Variants in THSD4 observed in about 807,000 individuals in gnomAD.
The protein encoded by THSD4 is thrombospondin type-1 domain-containing protein 4.
A neutral mutation model predicts 119.0 loss-of-function variants in THSD4; 69 were observed. The ratio of observed to expected loss-of-function variants is 0.58; its 90% CI spans 0.48 to 0.71. The LOEUF is 0.71. Ranked by LOEUF, THSD4 falls within the 30% of genes least tolerant of loss-of-function variation. The pLI is 0.00. For synonymous variants in THSD4, 524 were observed against 540.4 expected (o/e 0.97, Z 0.42); for missense variants, 1,393 against 1,391.1 (o/e 1.00, Z -0.02).
At chr15:71,430,768 A>AG (rs1183939530) in intron 7 of THSD4, among the ~76,000 whole-genome samples, 8 of 143,394 alleles carry the variant, frequency 5.6e-5, no homozygotes, top group Non-Finnish European at 9.1e-5. Flanking sequence ...AGAAAAAAAA[A>AG]AAAAAAAAAA....
At chr15:71,277,171 G>GTGCATT (rs1282012191) in intron 6 of THSD4, among the ~76,000 whole-genome samples, 5 of 130,204 alleles carry the variant, frequency 3.8e-5, no homozygotes, top group African/African-American at 1.6e-4. Context: ...TGTCACCCAG[G>GTGCATT]CTGGAGTGCA....
In THSD4 at chr15:71,384,684, A is replaced by G. The variant is rs2046273687; in HGVS notation, c.1016-27003A>G. 2.0e-5 allele frequency among the ~76,000 whole-genome samples: 3 copies of G among 152,240 alleles called. No homozygotes were observed. In the South Asian group the frequency reaches 6.2e-4, roughly 31 times the overall value. On this transcript the variant is annotated intron_variant, in intron 6 of 17. Transcript: ENST00000261862. ...ATCAATAGGCTTCCCGGGTGAGCCTAGTTCTGGAGCCCACATTTTAAAATG... is the reference window on the plus strand; with the variant it reads ...ATCAATAGGCTTCCCGGGTGAGCCTGGTTCTGGAGCCCACATTTTAAAATG...
chr15:71,601,046 C>T (rs2050001048), intron 7 of THSD4, among the ~76,000 whole-genome samples: 2 of 152,178 alleles, frequency 1.3e-5, no homozygotes, highest in African/African-American at 4.8e-5. Context: ...TGTACCCAAC[C>T]TATCATGCCT....
In THSD4 at chr15:71,306,307, C is replaced by CAAAAAAA. The variant is rs67260180; in HGVS notation, c.1015+49617_1015+49623dup. ...GGTGATAAGAGCAAGACTCTTGCCT[C>CAAAAAAA]AAAAAAAAAAAAAAAAAAAAAAAAA... On this transcript the variant is annotated intron_variant, in intron 6 of 17. Coordinates refer to ENST00000261862, the MANE Select transcript of THSD4 (RefSeq NM_024817.3). Among the ~76,000 whole-genome samples, 36 of 62,940 alleles carry CAAAAAAA rather than the reference C, an allele frequency of 5.7e-4. 2 individuals are homozygous for CAAAAAAA. Among genetic ancestry groups the CAAAAAAA allele is most frequent in the African/African-American group, 2.2e-3 (33 of 15,068 alleles). 41.3% of individuals were successfully genotyped at this position (62,940 alleles called of 152,430 possible). A position where few individuals can be genotyped will look rare whatever the true frequency, so the allele number is the denominator to read the frequency against.
chr15:71,477,251 G>A (rs529829790), intron 7 of THSD4, among the ~76,000 whole-genome samples: 28 of 152,298 alleles, frequency 1.8e-4, no homozygotes, highest in African/African-American at 6.3e-4. Context: ...CCTATCAGAC[G>A]GGGTCTTCTT....
chr15:71,141,677 A>G lies in THSD4; in HGVS notation c.29+121A>G, dbSNP rs1011277696. The G allele has an allele frequency of 6.1e-6, 7 of 1,144,386 alleles. No homozygotes were observed. In the Admixed American group the frequency reaches 1.3e-4, roughly 21 times the overall value. The allele number at this position is 1,144,386 out of a possible 1,614,324, so 70.9% of individuals were successfully genotyped here. On this transcript the variant is annotated intron_variant, in intron 2 of 17. Transcript: ENST00000261862. ...TCTGCAGCTGACTGATATTTTTGAT[A>G]TAATACGTCCACTTGTGTAAAAGTT...
At chr15:71,710,784 C>T (rs547446044) in intron 8 of THSD4, among the ~76,000 whole-genome samples, 161 of 152,200 alleles carry the variant, frequency 1.1e-3, no homozygotes, top group African/African-American at 3.7e-3. Context: ...TTTCATGGTA[C>T]GTTCTGTTCC....
At chr15:71,634,718 G>A (rs1267744828) in intron 7 of THSD4, among the ~76,000 whole-genome samples, 2 of 152,300 alleles carry the variant, frequency 1.3e-5, no homozygotes, top group East Asian at 3.9e-4. Context: ...AGTCAAGGGA[G>A]GAAGTTCTCA....
At position 71,570,509 on chromosome 15, in the gene THSD4, C is replaced by T. The variant is rs559432346; in HGVS notation, c.1153-90021C>T. On this transcript the variant is annotated intron_variant, in intron 7 of 17. Coordinates refer to ENST00000261862, the MANE Select transcript of THSD4 (RefSeq NM_024817.3). ...GCAACCTCTGCCTCCTGGGTTCAAGCGATTCTCCTGCCTCAGCCTCCCAAG... is the reference window on the plus strand; with the variant it reads ...GCAACCTCTGCCTCCTGGGTTCAAGTGATTCTCCTGCCTCAGCCTCCCAAG... Among the ~76,000 whole-genome samples, 12 of 151,950 alleles carry T rather than the reference C, an allele frequency of 7.9e-5. No homozygotes were observed. The East Asian group carries it at 1.5e-3, about 20-fold the overall frequency.
chr15:71,719,213 AAC>A (rs758854714), intron 8 of THSD4, among the ~76,000 whole-genome samples: 18 of 152,336 alleles, frequency 1.2e-4, no homozygotes, highest in South Asian at 6.2e-4. Context: ...CCTTCGTTCA[AAC>A]CCCTTACAAC....
intron 3 of THSD4, among the ~76,000 whole-genome samples, chr15:71,163,655 A>G (rs2043266253): frequency 6.6e-6 from 1 of 151,780 alleles, no homozygotes. Flanking sequence ...AGGAAAATAT[A>G]CCCTATTTTG....
At chr15:71,431,020 T>C (rs1249461021) in intron 7 of THSD4, among the ~76,000 whole-genome samples, 2 of 152,178 alleles carry the variant, frequency 1.3e-5, no homozygotes, top group Admixed American at 6.5e-5. Context: ...TGCAAATAAC[T>C]ACATTACCAT....
chr15:71,309,844 G>A (rs2045086376), intron 6 of THSD4, among the ~76,000 whole-genome samples: 1 of 152,198 alleles, frequency 6.6e-6, no homozygotes, highest in African/African-American at 2.4e-5. Flanking sequence ...AGAGGAAGGT[G>A]TGGCATGCAG....
chr15:71,684,058 G>C (rs2051854907), intron 8 of THSD4, among the ~76,000 whole-genome samples: 1 of 152,110 alleles, frequency 6.6e-6, no homozygotes, highest in Admixed American at 6.6e-5. Context: ...GTGAAGTTTT[G>C]TTATTTTCCA....
intron 7 of THSD4, among the ~76,000 whole-genome samples, chr15:71,452,974 C>G (rs1595782749): frequency 6.6e-6 from 1 of 152,168 alleles, no homozygotes; most frequent in Non-Finnish European, 1.5e-5. Context: ...GAAATTGGTG[C>G]TCTTATAAGA....
At chr15:71,632,477 C>CT (rs2050651335) in intron 7 of THSD4, among the ~76,000 whole-genome samples, 1 of 152,246 alleles carries the variant, frequency 6.6e-6, no homozygotes, top group South Asian at 2.1e-4. Context: ...TGGCCAGAAC[C>CT]TACTTCTTTG....
At chr15:71,203,502 A>AC (rs1338120200) in intron 3 of THSD4, among the ~76,000 whole-genome samples, 3 of 151,376 alleles carry the variant, frequency 2.0e-5, no homozygotes, top group Non-Finnish European at 4.4e-5. Flanking sequence ...CAAAAATACA[A>AC]AAAAAAATTA....
intron 3 of THSD4, among the ~76,000 whole-genome samples, chr15:71,208,719 C>T (rs2140244842): frequency 6.6e-6 from 1 of 152,064 alleles, no homozygotes; most frequent in African/African-American, 2.4e-5. Flanking sequence ...ACCATGTTGG[C>T]CAGGCTGGTC....
intron 8 of THSD4, among the ~76,000 whole-genome samples, chr15:71,683,888 T>C (rs190212072): frequency 2.0e-3 from 300 of 152,228 alleles, no homozygotes; most frequent in Non-Finnish European, 3.5e-3. Context: ...GGCATGAGAA[T>C]CACTTGAACC....
Sources: gnomAD v4.1 joint callset for allele counts (sites outside exome capture counted in the v4.1 genomes callset) on GRCh38, gnomAD v4.1.1 for gene constraint, MANE v1.5 for transcripts, NCBI Gene and HGNC (gene_info 2026-07-23, HGNC 2026-07-21) for gene names.